The following DPP10 variants were observed in gnomAD, a reference collection of about 807,000 sequenced individuals.
DPP10 encodes the protein inactive dipeptidyl peptidase 10.
A neutral mutation model predicts 120.9 loss-of-function variants in DPP10; 33 were observed. The ratio of observed to expected loss-of-function variants is 0.27; its 90% confidence interval spans 0.21 to 0.37. DPP10 has a LOEUF of 0.37. Among genes scored for constraint, DPP10 ranks in the 10% least tolerant of loss-of-function variants. DPP10 has a pLI of 1.00. For synonymous variants in DPP10, 337 were observed against 326.1 expected, an observed-to-expected ratio of 1.03 and a Z score of -0.36; for missense variants, 816 against 942.8, an observed-to-expected ratio of 0.87 and a Z score of 1.76.
At chr2:115,014,463 AACT>A (rs997840167) in intron 1 of DPP10, among the ~76,000 whole-genome samples, 10 of 152,238 alleles carry the variant, frequency 6.6e-5, no homozygotes, top group African/African-American at 2.4e-4. Context: ...ACAAATTCAA[AACT>A]AGCAGAAGAC....
At chr2:114,605,931 A>G (rs1266738922) in intron 1 of DPP10, among the ~76,000 whole-genome samples, 3 of 152,132 alleles carry the variant, frequency 2.0e-5, no homozygotes, top group Non-Finnish European at 4.4e-5. Flanking sequence ...TTATTTGGAT[A>G]TAAGATGTCC....
chr2:115,270,109 CACACAG>C (rs1251112541), intron 1 of DPP10, among the ~76,000 whole-genome samples: 41 of 140,474 alleles, frequency 2.9e-4, no homozygotes, highest in Non-Finnish European at 4.5e-4. Context: ...CACACACACA[CACACAG>C]ACACACACAC....
chr2:115,163,567 A>C (rs960143403), intron 1 of DPP10, among the ~76,000 whole-genome samples: 1 of 152,222 alleles, frequency 6.6e-6, no homozygotes, highest in African/African-American at 2.4e-5. Flanking sequence ...AATCCCCAGC[A>C]CACATCAGAA....
At chr2:115,363,677 C>A (rs2064918311) in intron 3 of DPP10, among the ~76,000 whole-genome samples, 1 of 152,206 alleles carries the variant, frequency 6.6e-6, no homozygotes, top group Admixed American at 6.5e-5. Flanking sequence ...CCTATGCTTT[C>A]TAAACATTAT....
At chr2:115,354,407 A>G (rs2064232093) in intron 3 of DPP10, among the ~76,000 whole-genome samples, 1 of 151,538 alleles carries the variant, frequency 6.6e-6, no homozygotes, top group African/African-American at 2.4e-5. Flanking sequence ...TTTAGTTCCC[A>G]CTTTGCTTGT....
rs117770441 is a variant in DPP10, at chr2:115,559,097, T to G, written c.441+33125T>G. Among the ~76,000 whole-genome samples, 42 of 152,354 alleles carry G rather than the reference T, an allele frequency of 2.8e-4. 2 individuals carry two copies. The East Asian group carries it at 8.1e-3, about 29-fold the overall frequency. On this transcript the variant is annotated intron_variant, in intron 5 of 25. Transcript: ENST00000410059. ...CTATCTGAATTTCAAAAAGTATTTTTATATTTAATTTGTTCCCCAAATACT... is the reference window on the plus strand; with the variant it reads ...CTATCTGAATTTCAAAAAGTATTTTGATATTTAATTTGTTCCCCAAATACT...
chr2:115,088,064 T>A (rs1269676576), intron 1 of DPP10, among the ~76,000 whole-genome samples: 1 of 152,194 alleles, frequency 6.6e-6, no homozygotes, highest in Non-Finnish European at 1.5e-5. Flanking sequence ...CTTCTTGGTT[T>A]ATAGATGGTG....
intron 2 of DPP10, among the ~76,000 whole-genome samples, chr2:115,333,779 C>A (rs2062912486): frequency 6.6e-6 from 1 of 152,046 alleles, no homozygotes; most frequent in East Asian, 1.9e-4. Flanking sequence ...TATAGGGTTT[C>A]TGCCGAGAGA....
At chr2:115,493,274 A>G (rs1016068872) in intron 3 of DPP10, among the ~76,000 whole-genome samples, 3 of 151,966 alleles carry the variant, frequency 2.0e-5, no homozygotes, top group Non-Finnish European at 4.4e-5. Context: ...TAGGAGATGA[A>G]GATACAGGAA....
At chr2:114,986,527 C>T (rs940238540) in intron 1 of DPP10, among the ~76,000 whole-genome samples, 1 of 152,056 alleles carries the variant, frequency 6.6e-6, no homozygotes, top group East Asian at 1.9e-4. Context: ...TTGCAAATTG[C>T]TTCAAGAGGG....
intron 17 of DPP10, among the ~76,000 whole-genome samples, chr2:115,787,353 A>G (rs750529295): frequency 1.3e-5 from 2 of 152,232 alleles, no homozygotes; most frequent in Non-Finnish European, 2.9e-5. Flanking sequence ...TAGCTGTTAC[A>G]AATACATAAA....
At position 115,176,481 on chromosome 2, in the gene DPP10, A is replaced by G. The variant is rs548825376; in HGVS notation, c.61-132758A>G. ...GTTTATTAAAGTTAAGAGACTCCCA[A>G]GACTCCACAGGTAGTAAATGCAGAA... On this transcript the variant is annotated intron_variant, in intron 1 of 25. Coordinates refer to ENST00000410059, the MANE Select transcript of DPP10 (RefSeq NM_020868.6). 7.9e-5 allele frequency among the ~76,000 whole-genome samples: 12 copies of G among 151,998 alleles called. No homozygotes were observed. In the East Asian group the frequency reaches 2.1e-3, roughly 27 times the overall value.
At chr2:114,704,336 G>C (rs1700561548) in intron 1 of DPP10, among the ~76,000 whole-genome samples, 1 of 152,144 alleles carries the variant, frequency 6.6e-6, no homozygotes, top group African/African-American at 2.4e-5. Context: ...GTGAAGTAAG[G>C]AGAGGGATTG....
intron 3 of DPP10, among the ~76,000 whole-genome samples, chr2:115,442,695 A>G (rs1162754999): frequency 6.6e-6 from 1 of 152,144 alleles, no homozygotes; most frequent in African/African-American, 2.4e-5. Context: ...CAAATTTACT[A>G]AATATAATTT....
rs1686439153 is a variant in DPP10 at position 114,825,399 on chromosome 2, C to T, written c.60+382561C>T. Among the ~76,000 whole-genome samples, 3 of 152,054 alleles carry T rather than the reference C, an allele frequency of 2.0e-5. No individual in the cohort carries two copies. The South Asian group carries it at 6.2e-4, about 32-fold the overall frequency. On this transcript the variant is annotated intron_variant, in intron 1 of 25. Coordinates refer to ENST00000410059, the MANE Select transcript of DPP10 (RefSeq NM_020868.6). ...GCCTGTTGAGTTCTATTTCTTTTAC[C>T]TTCATGTGCTGGCTGGCTGAGTCAC...
Position 115,182,105 on chromosome 2 carries a change from ATATAT to A in DPP10, c.61-127132_61-127128del, listed in dbSNP as rs553252548. 9.8e-5 allele frequency among the ~76,000 whole-genome samples: 15 copies of A among 152,336 alleles called. No homozygotes were observed. The South Asian group carries it at 2.9e-3, about 29-fold the overall frequency. On this transcript the variant is annotated intron_variant, in intron 1 of 25. Coordinates refer to ENST00000410059, the MANE Select transcript of DPP10 (RefSeq NM_020868.6). Reference sequence around the variant, plus strand: ...ACCTTTATATAGATGTAGTTATAAAATATATTTATTTGAGAATAAATCTAATGTAC... The same window carrying A: ...ACCTTTATATAGATGTAGTTATAAAATTATTTGAGAATAAATCTAATGTAC...
chr2:115,341,004 C>T (rs1379869910), intron 2 of DPP10, among the ~76,000 whole-genome samples: 1 of 151,902 alleles, frequency 6.6e-6, no homozygotes, highest in South Asian at 2.1e-4. Flanking sequence ...AATTTTGAAA[C>T]TTATCTATAT....
intron 1 of DPP10, among the ~76,000 whole-genome samples, chr2:114,475,778 C>A (rs2104639996): frequency 6.6e-6 from 1 of 152,326 alleles, no homozygotes; most frequent in African/African-American, 2.4e-5. Flanking sequence ...CTCCTAGGAA[C>A]TGTAAAATAA....
chr2:115,399,514 A>C (rs1380100030), intron 3 of DPP10, among the ~76,000 whole-genome samples: 1 of 152,170 alleles, frequency 6.6e-6, no homozygotes, highest in Non-Finnish European at 1.5e-5. Flanking sequence ...AATTGTAATA[A>C]GTCAAGGAAC....
Sources: allele counts gnomAD v4.1 joint callset (sites outside exome capture counted in the v4.1 genomes callset), GRCh38; gene constraint gnomAD v4.1.1; transcripts MANE v1.5; gene names NCBI Gene and HGNC (gene_info 2026-07-23, HGNC 2026-07-21).